RAPGEFL1: variants seen among roughly 807,000 people sequenced by gnomAD.
RAPGEFL1 encodes Rap guanine nucleotide exchange factor like 1.
RAPGEFL1 carries 31 observed loss-of-function variants against 64.4 expected under a neutral mutation model. The observed-to-expected ratio is 0.48, with a 90% confidence interval of 0.36 to 0.65. The LOEUF (loss-of-function observed/expected upper bound fraction) is 0.65. Ranked by LOEUF, RAPGEFL1 falls within the 30% of genes least tolerant of loss-of-function variation. The probability of loss-of-function intolerance (pLI) is 0.00; values close to 1 mark genes in which losing one functional copy is unlikely to be tolerated. For missense variants in RAPGEFL1, 682 were observed against 677.4 expected (o/e 1.01, Z -0.08); for synonymous variants, 331 against 274.1 (o/e 1.21, Z -2.05).
At chr17:40,179,809 G>T (rs1293767355) in intron 1 of RAPGEFL1, among the ~76,000 whole-genome samples, 5 of 152,208 alleles carry the variant, frequency 3.3e-5, no homozygotes, top group Non-Finnish European at 7.3e-5. Flanking sequence ...CTAGATGTGT[G>T]GAGGGGGGCT....
intron 2 of RAPGEFL1, among the ~76,000 whole-genome samples, chr17:40,182,801 TCA>T (rs1408887505): frequency 5.9e-5 from 9 of 152,210 alleles, no homozygotes; most frequent in Non-Finnish European, 2.9e-5. Context: ...CATGGGCCTC[TCA>T]CAGAGTTATT....
At position 40,192,611 on chromosome 17, in the gene RAPGEFL1, C is replaced by T; in HGVS notation, c.1662C>T (p.Pro554=). 1 of 1,613,468 alleles carries T rather than the reference C, an allele frequency of 6.2e-7. No individual in the cohort carries two copies. Among genetic ancestry groups the T allele is most frequent in the Non-Finnish European group, 8.5e-7 (1 of 1,179,602 alleles). ...TCTCTCCTGTGGAATACTAGGACCC[C>T]TGCAGGAACCACAAAAGCTACCGAG... ...LFRKFENLTD[P]CRNHKSYREV... Residue 554 remains proline (P), a synonymous_variant, in exon 12 of 15, where the codon CCC becomes CCT. Transcript: ENST00000620260.
In RAPGEFL1 at chr17:40,191,804, T is replaced by C; in HGVS notation, c.1605+132T>C. On this transcript the variant is annotated intron_variant, in intron 10 of 14. Transcript: ENST00000620260. This position sits in a 1 kb window ranked among gnomAD's most constrained non-coding sequence, Gnocchi z 5.1. Reference sequence around the variant, plus strand: ...TGGAGGGAGGCGCCCTCTTCTGGCATACGCAACCCCAGGGCGCACAGCTTG... The same window carrying C: ...TGGAGGGAGGCGCCCTCTTCTGGCACACGCAACCCCAGGGCGCACAGCTTG... 2.3e-6 allele frequency: 2 copies of C among 881,016 alleles called. No individual in the cohort carries two copies. Among genetic ancestry groups the C allele is most frequent in the Non-Finnish European group, 3.6e-6 (2 of 558,390 alleles). 54.6% of individuals were successfully genotyped at this position (881,016 alleles called of 1,614,324 possible).
At position 40,184,419 on chromosome 17, in the gene RAPGEFL1, C is replaced by T; in HGVS notation, c.735+70C>T. On this transcript the variant is annotated intron_variant, in intron 3 of 14. Transcript: ENST00000620260. ...TGGAAGGGGGCCCCTGTGAAGGAGCCATACTTCTCATTCTGGGTACCTGGA... is the reference window on the plus strand; with the variant it reads ...TGGAAGGGGGCCCCTGTGAAGGAGCTATACTTCTCATTCTGGGTACCTGGA... 1.5e-5 allele frequency: 20 copies of T among 1,365,284 alleles called. 1 individual carries two copies. The South Asian group carries it at 2.6e-4, about 18-fold the overall frequency. The allele number at this position is 1,365,284 out of a possible 1,614,324, so 84.6% of individuals were successfully genotyped here. A position where few individuals can be genotyped will look rare whatever the true frequency, so the allele number is the denominator to read the frequency against.
intron 4 of RAPGEFL1, among the ~76,000 whole-genome samples, chr17:40,188,353 T>C (rs1432248826): frequency 1.3e-5 from 2 of 152,198 alleles, no homozygotes; most frequent in Non-Finnish European, 2.9e-5. Context: ...ACCTTTGTTA[T>C]ATTATCAACA....
chr17:40,182,005 C>T (rs1044303391), intron 2 of RAPGEFL1, among the ~76,000 whole-genome samples: 2 of 152,060 alleles, frequency 1.3e-5, no homozygotes, highest in African/African-American at 2.4e-5. Flanking sequence ...ATCACTTGAA[C>T]CCGGGAGGCA....
At position 40,184,319 on chromosome 17, in the gene RAPGEFL1, A is replaced by G. The variant is rs1989992834; in HGVS notation, c.705A>G (p.Gln235=). 1 of 1,613,310 alleles carries G rather than the reference A, an allele frequency of 6.2e-7. No homozygotes were observed. The highest frequency in any genetic ancestry group is 8.5e-7 in the Non-Finnish European group (1 of 1,179,758). Residue 235 remains glutamine, a synonymous_variant, in exon 3 of 15, where the codon CAA becomes CAG. Transcript: ENST00000620260. ...TGGACACCTACCAGGGGCTGCTTCAAGAGGAAGAGGGGGCCGGCCACATCA... is the reference window on the plus strand; with the variant it reads ...TGGACACCTACCAGGGGCTGCTTCAGGAGGAAGAGGGGGCCGGCCACATCA... The part of the protein sequence containing the change: ...HFLDTYQGLL[Q]EEEGAGHIIK...
In RAPGEFL1 at chr17:40,192,706, C is replaced by G; in HGVS notation, c.1744+13C>G. On this transcript the variant is annotated intron_variant, in intron 12 of 14. Transcript: ENST00000620260. ...CTGATCCTCAAAGGTGAGAGAGTTA[C>G]TCCCAAGCTGTGCCGCTTCCACCCA... 1.2e-6 allele frequency: 2 copies of G among 1,607,262 alleles called. No homozygotes were observed. Among genetic ancestry groups the G allele is most frequent in the Non-Finnish European group, 1.7e-6 (2 of 1,174,078 alleles).
At chr17:40,180,948 C>T (rs754066895) in intron 1 of RAPGEFL1, among the ~76,000 whole-genome samples, 8 of 152,242 alleles carry the variant, frequency 5.3e-5, no homozygotes, top group Non-Finnish European at 7.3e-5. Flanking sequence ...ACCTTGTACC[C>T]GGCTGACTGG....
rs1198530401 is a variant in RAPGEFL1 at position 40,191,305 on chromosome 17, C to T, written c.1336-11C>T. 1 of 1,560,936 alleles carries T rather than the reference C, an allele frequency of 6.4e-7. No individual in the cohort carries two copies. Among genetic ancestry groups the T allele is most frequent in the Non-Finnish European group, 8.6e-7 (1 of 1,163,312 alleles). On this transcript the variant is annotated splice_polypyrimidine_tract_variant and intron_variant, in intron 8 of 14. Transcript: ENST00000620260. The surrounding 1 kb of genome is among the most constrained non-coding windows in gnomAD (Gnocchi z 5.1). ...GGCGCCCTGGCCGCCCCTCCGCTGC[C>T]GTGGGTGCAGCTGGAGTTCGTGGAC...
At chr17:40,188,107 G>T (rs540725519) in intron 4 of RAPGEFL1, among the ~76,000 whole-genome samples, 1 of 151,800 alleles carries the variant, frequency 6.6e-6, no homozygotes, top group South Asian at 2.1e-4. Flanking sequence ...TAGAGACGGG[G>T]TTTCACCATG....
intron 12 of RAPGEFL1, 91 bp from the exon 13 acceptor site, chr17:40,192,835 C>A: frequency 7.3e-7 from 1 of 1,371,524 alleles, no homozygotes; most frequent in Non-Finnish European, 1.0e-6. Context: ...GGAGTGGGTT[C>A]TGGGGAAGAG....
In RAPGEFL1 at chr17:40,194,841, G is replaced by C. The variant is rs1990408841; in HGVS notation, c.*1053G>C. On this transcript the variant is annotated 3_prime_UTR_variant, in exon 15 of 15. Transcript: ENST00000620260. ...CTCCCCATAGAGCTGGGGTGGGGTG[G>C]ATCCCTATACCTGGGGCAGGCAGCC... 1.3e-5 allele frequency: 2 copies of C among 152,446 alleles called. No homozygotes were observed. 9.4% of individuals were successfully genotyped at this position (152,446 alleles called of 1,614,324 possible).
upstream of RAPGEFL1, chr17:40,177,466 G>T (rs1989742574): frequency 6.2e-6 from 4 of 641,564 alleles, no homozygotes; most frequent in African/African-American, 5.4e-5. Flanking sequence ...TCTCGGTTCT[G>T]CCACCTTCCC....
chr17:40,182,745 C>G (rs1262135065), intron 2 of RAPGEFL1, among the ~76,000 whole-genome samples: 1 of 152,162 alleles, frequency 6.6e-6, no homozygotes, highest in African/African-American at 2.4e-5. Context: ...GTAGGGTCCG[C>G]TAGAGAGGAG....
Position 40,177,896 on chromosome 17 carries a change from C to A in RAPGEFL1, c.35C>A (p.Thr12Lys), listed in dbSNP as rs1989764468. 4.7e-6 allele frequency: 2 copies of A among 425,596 alleles called. No homozygotes were observed. Among genetic ancestry groups the A allele is most frequent in the Non-Finnish European group, 8.3e-6 (2 of 239,688 alleles). 26.4% of individuals were successfully genotyped at this position (425,596 alleles called of 1,614,324 possible). A position where few individuals can be genotyped will look rare whatever the true frequency, so the allele number is the denominator to read the frequency against. Residue 12 changes from threonine to lysine, a missense_variant, in exon 1 of 15, where the codon ACG (threonine) becomes AAG (lysine). By Grantham distance (78) the Thr-to-Lys change is moderately conservative. Transcript: ENST00000620260. ...CTGGAGAAATTTCTGAAGAAGCAGA[C>A]GTCGCAGCTGGCGGGCCGAACGGTG... is the stretch of plus-strand genomic sequence containing the variant. ...KPLEKFLKKQTSQLAGRTVAG... is the reference protein window; with the variant it reads ...KPLEKFLKKQKSQLAGRTVAG...
intron 11 of RAPGEFL1, 133 bp downstream of exon 11, chr17:40,192,396 T>C: frequency 8.9e-7 from 1 of 1,120,788 alleles, no homozygotes; most frequent in Non-Finnish European, 1.3e-6. Flanking sequence ...CTTACCATGC[T>C]GGAGGGTGAG....
rs1391361025 is a variant in RAPGEFL1, at chr17:40,192,236, C to T, written c.1629C>T (p.Asn543=). 6.2e-7 allele frequency: 1 copy of T among 1,614,106 alleles called. No individual in the cohort carries two copies. Among genetic ancestry groups the T allele is most frequent in the Non-Finnish European group, 8.5e-7 (1 of 1,179,946 alleles). ...TWEKLPGKFK[N]LFRKFENLTD... is the part of the protein sequence containing the mutation. ...AGAAGCTGCCAGGGAAATTCAAGAACTTGTTTCGCAAATTTGAGAACCTGA... is the reference window on the plus strand; with the variant it reads ...AGAAGCTGCCAGGGAAATTCAAGAATTTGTTTCGCAAATTTGAGAACCTGA... Residue 543 remains asparagine, a synonymous_variant, in exon 11 of 15, where the codon AAC becomes AAT. Transcript: ENST00000620260.
In RAPGEFL1 at chr17:40,194,424, C is replaced by T. The variant is rs1293259802; in HGVS notation, c.*636C>T. On this transcript the variant is annotated 3_prime_UTR_variant, in exon 15 of 15. Transcript: ENST00000620260. ...GTGCGGGGTGCTTTCTCCACCCCCA[C>T]ACTCCCTGCTCAGCTCCTCGTGCTG... 2 of 152,892 alleles carry T rather than the reference C, an allele frequency of 1.3e-5. No homozygotes were observed. The highest frequency in any genetic ancestry group is 2.9e-5 in the Non-Finnish European group (2 of 68,366). 9.5% of individuals were successfully genotyped at this position (152,892 alleles called of 1,614,324 possible). A position where few individuals can be genotyped will look rare whatever the true frequency, so the allele number is the denominator to read the frequency against.
Sources: gnomAD v4.1 joint callset for allele counts (sites outside exome capture counted in the v4.1 genomes callset) on GRCh38, gnomAD v4.1.1 for gene constraint, Gnocchi (gnomAD v3.1) non-coding constraint, MANE v1.5 for transcripts, NCBI Gene and HGNC (gene_info 2026-07-23, HGNC 2026-07-21) for gene names.